Variants in RCAN2 observed in about 807,000 individuals in gnomAD.
RCAN2 encodes regulator of calcineurin 2.
A neutral mutation model predicts 23.6 loss-of-function variants in RCAN2; 9 were observed. The observed-to-expected ratio is 0.38, with a 90% CI of 0.23 to 0.67. The LOEUF (loss-of-function observed/expected upper bound fraction) is 0.67, where lower values mean the gene tolerates loss of function less well. Among genes scored for constraint, RCAN2 ranks in the 30% least tolerant of loss-of-function variants. RCAN2 has a pLI of 0.51. For missense variants in RCAN2, 273 were observed against 302.3 expected (o/e 0.90, Z 0.72); for synonymous variants, 109 against 115.7 (o/e 0.94, Z 0.37).
At chr6:46,261,892 C>A (rs1029465712) in intron 2 of RCAN2, among the ~76,000 whole-genome samples, 1 of 152,156 alleles carries the variant, frequency 6.6e-6, no homozygotes, top group Non-Finnish European at 1.5e-5. Flanking sequence ...TGCCTTCAAT[C>A]CTTCCCTTTG....
intron 2 of RCAN2, among the ~76,000 whole-genome samples, chr6:46,453,584 C>T (rs1235887757): frequency 6.6e-6 from 1 of 152,112 alleles, no homozygotes; most frequent in Admixed American, 6.5e-5. Context: ...TCATTTTGCA[C>T]AGAACAAAGT....
At chr6:46,296,253 T>C (rs903758562) in intron 2 of RCAN2, among the ~76,000 whole-genome samples, 102 of 152,224 alleles carry the variant, frequency 6.7e-4, no homozygotes, top group African/African-American at 2.4e-3. Context: ...CCAGAGAGAT[T>C]GAGCCACTTT....
intron 2 of RCAN2, among the ~76,000 whole-genome samples, chr6:46,373,633 C>T (rs1469738719): frequency 6.6e-6 from 1 of 152,074 alleles, no homozygotes; most frequent in African/African-American, 2.4e-5. Flanking sequence ...ACATTTTTTC[C>T]TTATCTTTAA....
At chr6:46,344,209 T>C (rs1764416186) in intron 2 of RCAN2, among the ~76,000 whole-genome samples, 2 of 152,184 alleles carry the variant, frequency 1.3e-5, no homozygotes, top group South Asian at 4.1e-4. Flanking sequence ...ATAGTTAATT[T>C]ATGCCTCAAT....
intron 2 of RCAN2, among the ~76,000 whole-genome samples, chr6:46,346,754 C>A (rs879280912): frequency 1.3e-5 from 2 of 151,786 alleles, no homozygotes; most frequent in Non-Finnish European, 2.9e-5. Flanking sequence ...CCAATAATTT[C>A]GGTTTTCTTC....
intron 2 of RCAN2, among the ~76,000 whole-genome samples, chr6:46,412,028 G>T (rs1398687696): frequency 2.6e-5 from 4 of 152,198 alleles, no homozygotes; most frequent in Non-Finnish European, 1.5e-5. Context: ...CAGTCCAACA[G>T]TGGAAGCAGG....
chr6:46,293,917 C>T (rs1490523048), intron 2 of RCAN2, among the ~76,000 whole-genome samples: 1 of 152,124 alleles, frequency 6.6e-6, no homozygotes, highest in Admixed American at 6.6e-5. Context: ...GTTGCAAAAG[C>T]ATGAGGCATA....
At chr6:46,251,578 C>T (rs772286880) in intron 2 of RCAN2, among the ~76,000 whole-genome samples, 2 of 152,068 alleles carry the variant, frequency 1.3e-5, no homozygotes, top group Non-Finnish European at 2.9e-5. Context: ...CTTTTGAAAG[C>T]GAGGTGCTTT....
rs1368705698 is a variant in RCAN2, at chr6:46,334,718, C to T, written c.226-85822G>A. 3.9e-5 allele frequency among the ~76,000 whole-genome samples: 6 copies of T among 152,266 alleles called. No individual in the cohort carries two copies. The East Asian group carries it at 9.7e-4, about 25-fold the overall frequency. On this transcript the variant is annotated intron_variant, in intron 2 of 4. Coordinates refer to ENST00000371374, the MANE Select transcript of RCAN2 (RefSeq NM_001251974.2). ...GCAGACTCAGGGACAGTGTTCATTC[C>T]ACCACTGCCCAGTTAGCACCTTACT...
At chr6:46,426,220 G>A (rs543690730) in intron 2 of RCAN2, among the ~76,000 whole-genome samples, 5 of 152,172 alleles carry the variant, frequency 3.3e-5, no homozygotes, top group African/African-American at 1.2e-4. Flanking sequence ...TCTTTAAAAG[G>A]TGTGTTAACA....
At chr6:46,337,913 T>C (rs1217249108) in intron 2 of RCAN2, among the ~76,000 whole-genome samples, 1 of 152,174 alleles carries the variant, frequency 6.6e-6, no homozygotes, top group African/African-American at 2.4e-5. Context: ...TTTAACATTC[T>C]GGTGAAAAAG....
intron 2 of RCAN2, among the ~76,000 whole-genome samples, chr6:46,307,768 G>A (rs2150354851): frequency 6.6e-6 from 1 of 152,206 alleles, no homozygotes; most frequent in East Asian, 1.9e-4. Context: ...AACACTGAAG[G>A]AATGAATGAA....
At chr6:46,411,872 G>A (rs1475460750) in intron 2 of RCAN2, among the ~76,000 whole-genome samples, 2 of 152,140 alleles carry the variant, frequency 1.3e-5, no homozygotes, top group African/African-American at 4.8e-5. Flanking sequence ...CTGAAAGATT[G>A]GCAGGTATGA....
intron 2 of RCAN2, among the ~76,000 whole-genome samples, chr6:46,264,940 C>A (rs975775912): frequency 6.6e-6 from 1 of 152,166 alleles, no homozygotes; most frequent in Non-Finnish European, 1.5e-5. Context: ...AGAGATTAAA[C>A]GATCTGCCTA....
At chr6:46,327,105 T>A (rs148428668) in intron 2 of RCAN2, among the ~76,000 whole-genome samples, 2 of 152,288 alleles carry the variant, frequency 1.3e-5, no homozygotes, top group East Asian at 3.9e-4. Flanking sequence ...GATAAAATGA[T>A]GAAAAAGCAA....
intron 2 of RCAN2, among the ~76,000 whole-genome samples, chr6:46,420,204 C>T (rs558685572): frequency 1.3e-5 from 2 of 151,378 alleles, no homozygotes; most frequent in African/African-American, 4.9e-5. Context: ...AAGACTAGAG[C>T]ATTTAAACAA....
At chr6:46,462,108 A>G (rs1444580449) in intron 1 of RCAN2, among the ~76,000 whole-genome samples, 1 of 152,042 alleles carries the variant, frequency 6.6e-6, no homozygotes, top group Admixed American at 6.6e-5. Context: ...TGAGTTTCAA[A>G]CCTCCAGTGT....
At chr6:46,430,858 TA>T (rs1767177467) in intron 2 of RCAN2, among the ~76,000 whole-genome samples, 1 of 152,140 alleles carries the variant, frequency 6.6e-6, no homozygotes, top group Non-Finnish European at 1.5e-5. Flanking sequence ...TAAGAGTTAT[TA>T]AAAATTGAGA....
chr6:46,470,647 T>C (rs965094061), intron 1 of RCAN2, among the ~76,000 whole-genome samples: 3 of 152,250 alleles, frequency 2.0e-5, no homozygotes, highest in African/African-American at 7.2e-5. Context: ...CACTTACTTT[T>C]CTCATTTTTT....
Sources: allele counts gnomAD v4.1 joint callset (sites outside exome capture counted in the v4.1 genomes callset), GRCh38; gene constraint gnomAD v4.1.1; transcripts MANE v1.5; gene names NCBI Gene and HGNC (gene_info 2026-07-23, HGNC 2026-07-21).